The following CACNA1B variants were observed in gnomAD, a reference collection of about 807,000 sequenced individuals.
The protein encoded by CACNA1B is voltage-dependent N-type calcium channel subunit alpha-1B.
In CACNA1B, 70 loss-of-function variants were observed where a neutral mutation model predicts 247.2. The observed-to-expected ratio is 0.28, with a 90% CI of 0.23 to 0.35. CACNA1B has a LOEUF of 0.35. CACNA1B is among the 10% of genes least tolerant of loss of function. CACNA1B has a pLI of 1.00. For synonymous variants in CACNA1B, 1,231 were observed against 1,294.4 expected (o/e 0.95, Z 1.05); for missense variants, 2,367 against 3,197.4 (o/e 0.74, Z 6.26).
chr9:137,989,338 T>C (rs1453669170), intron 15 of CACNA1B, among the ~76,000 whole-genome samples: 1 of 151,962 alleles, frequency 6.6e-6, no homozygotes, highest in Non-Finnish European at 1.5e-5. Flanking sequence ...CCGGAGGATG[T>C]GGTGGGGCTG....
rs1957425135 is a variant in CACNA1B, at chr9:137,917,495, G to A, written c.966+64G>A. Reference sequence around the variant, plus strand: ...TGGACCTCCTGAGCTGGTGCCTCTGGGGGTCCATTTAGGGGGGCCCTTCTG... The same window carrying A: ...TGGACCTCCTGAGCTGGTGCCTCTGAGGGTCCATTTAGGGGGGCCCTTCTG... On this transcript the variant is annotated intron_variant, in intron 6 of 46. Transcript: ENST00000371372. The surrounding 1 kb of genome is among the most constrained non-coding windows in gnomAD (Gnocchi z 5.5). 6.8e-7 allele frequency: 1 copy of A among 1,469,024 alleles called. No individual in the cohort carries two copies. The highest frequency in any genetic ancestry group is 1.8e-5 in the Admixed American group (1 of 54,852). The allele number at this position is 1,469,024 out of a possible 1,614,324, so 91.0% of individuals were successfully genotyped here.
At chr9:137,979,151 G>A (rs1484129460) in intron 12 of CACNA1B, among the ~76,000 whole-genome samples, 1 of 152,212 alleles carries the variant, frequency 6.6e-6, no homozygotes, top group Non-Finnish European at 1.5e-5. Flanking sequence ...ACACTTAGCA[G>A]CTTTAAACTA....
At chr9:137,928,237 A>G (rs1957573467) in intron 6 of CACNA1B, among the ~76,000 whole-genome samples, 5 of 152,138 alleles carry the variant, frequency 3.3e-5, no homozygotes, top group African/African-American at 1.2e-4. Context: ...AGGTGGGACT[A>G]CAGGCACCCA....
intron 3 of CACNA1B, among the ~76,000 whole-genome samples, chr9:137,900,536 T>C (rs1301918369): frequency 1.3e-5 from 2 of 150,778 alleles, no homozygotes; most frequent in East Asian, 2.0e-4. Context: ...CGTGTGTCCA[T>C]GTCTGTGCTG....
chr9:137,895,271 T>C (rs1957160189), intron 3 of CACNA1B, among the ~76,000 whole-genome samples: 1 of 152,216 alleles, frequency 6.6e-6, no homozygotes, highest in Admixed American at 6.5e-5. Context: ...AACTGGGTAG[T>C]ACTTACTCCT....
Position 138,057,655 on chromosome 9 carries a change from G to T in CACNA1B, c.3969-77G>T. The stretch of plus-strand genomic sequence containing the variant: ...GAGGCCATTCTTTCCCCACGGAATG[G>T]TTTCAACACTCTTGATAGGTGGGTT... On this transcript the variant is annotated intron_variant, in intron 26 of 46. Coordinates refer to ENST00000371372, the MANE Select transcript of CACNA1B (RefSeq NM_000718.4). This position sits in a 1 kb window ranked among gnomAD's most constrained non-coding sequence, Gnocchi z 4.0. 1 of 1,439,476 alleles carries T rather than the reference G, an allele frequency of 6.9e-7. No homozygotes were observed. The highest frequency in any genetic ancestry group is 2.0e-5 in the Admixed American group (1 of 51,260). 89.2% of individuals were successfully genotyped at this position (1,439,476 alleles called of 1,614,324 possible).
chr9:137,937,435 A>C (rs1285748987), intron 6 of CACNA1B, among the ~76,000 whole-genome samples: 1 of 152,148 alleles, frequency 6.6e-6, no homozygotes, highest in East Asian at 1.9e-4. Context: ...GAAGTCTGGG[A>C]TTATGTTAAA....
chr9:138,062,720 A>G (rs1959770660), intron 31 of CACNA1B, among the ~76,000 whole-genome samples: 1 of 152,198 alleles, frequency 6.6e-6, no homozygotes, highest in African/African-American at 2.4e-5. Context: ...GACTTTACCC[A>G]GTATCCTTAC....
intron 15 of CACNA1B, among the ~76,000 whole-genome samples, chr9:138,004,271 G>C (rs1428547722): frequency 6.6e-6 from 1 of 152,098 alleles, no homozygotes; most frequent in African/African-American, 2.4e-5. Flanking sequence ...GGAGAGCCGG[G>C]TGCAGTGGCT....
At chr9:138,092,209 C>G (rs1278724011) in intron 36 of CACNA1B, among the ~76,000 whole-genome samples, 3 of 152,160 alleles carry the variant, frequency 2.0e-5, no homozygotes, top group African/African-American at 7.2e-5. Flanking sequence ...ACCGGTCTGA[C>G]TAGAATTTGC....
At chr9:137,993,969 TCC>T (rs1958465932) in intron 15 of CACNA1B, among the ~76,000 whole-genome samples, 1 of 151,918 alleles carries the variant, frequency 6.6e-6, no homozygotes, top group Non-Finnish European at 1.5e-5. Flanking sequence ...GCTAACTGAA[TCC>T]AACAGCAAAT....
chr9:138,071,336 A>G (rs1960125845), intron 32 of CACNA1B, among the ~76,000 whole-genome samples: 1 of 152,224 alleles, frequency 6.6e-6, no homozygotes, highest in Non-Finnish European at 1.5e-5. Flanking sequence ...TGGCTGCAAC[A>G]GAAGCCATGG....
At chr9:138,077,156 C>T (rs1960352701) in intron 35 of CACNA1B, among the ~76,000 whole-genome samples, 1 of 152,198 alleles carries the variant, frequency 6.6e-6, no homozygotes, top group Non-Finnish European at 1.5e-5. Context: ...GAAGCAGCAG[C>T]CCTGCAGGAA....
rs777149026 is a variant in CACNA1B at position 137,919,275 on chromosome 9, G to A, written c.966+1844G>A. On this transcript the variant is annotated intron_variant, in intron 6 of 46. Coordinates refer to ENST00000371372, the MANE Select transcript of CACNA1B (RefSeq NM_000718.4). This position sits in a 1 kb window ranked among gnomAD's most constrained non-coding sequence, Gnocchi z 4.6. ...AGTGGTGAGCAGAGGCATTCGACAC[G>A]TAAGGGCATGGACAGTGGCGAGTGC... 1.5e-4 allele frequency among the ~76,000 whole-genome samples: 23 copies of A among 152,254 alleles called. No individual in the cohort carries two copies. The highest frequency in any genetic ancestry group is 9.6e-4 in the East Asian group (5 of 5,190).
Position 138,020,076 on chromosome 9 carries a change from G to A in CACNA1B, c.2268-2935G>A, listed in dbSNP as rs973024218. On this transcript the variant is annotated intron_variant, in intron 18 of 46. Coordinates refer to ENST00000371372, the MANE Select transcript of CACNA1B (RefSeq NM_000718.4). This position sits in a 1 kb window ranked among gnomAD's most constrained non-coding sequence, Gnocchi z 4.1. ...CACACCACTGCACTCCAGCCTGGGC[G>A]ACACAGCGAGACTCTGTCTCCCAAA... is the stretch of plus-strand genomic sequence containing the variant. 2.9e-5 allele frequency among the ~76,000 whole-genome samples: 4 copies of A among 139,870 alleles called. No individual in the cohort carries two copies. In the South Asian group the frequency reaches 7.1e-4, roughly 25 times the overall value. The allele number at this position is 139,870 out of a possible 152,430, so 91.8% of individuals were successfully genotyped here. A position where few individuals can be genotyped will look rare whatever the true frequency, so the allele number is the denominator to read the frequency against.
In CACNA1B at chr9:137,953,141, G is replaced by C. The variant is rs143638183; in HGVS notation, c.1070+764G>C. On this transcript the variant is annotated intron_variant, in intron 7 of 46. Transcript: ENST00000371372. ...ACAGCCCCTCCTGTCCCACCCTGGGGCTGAGAGCTGAAGAGATGCCATGTA... is the reference window on the plus strand; with the variant it reads ...ACAGCCCCTCCTGTCCCACCCTGGGCCTGAGAGCTGAAGAGATGCCATGTA... 1.5e-4 allele frequency among the ~76,000 whole-genome samples: 23 copies of C among 152,318 alleles called. No homozygotes were observed. In the East Asian group the frequency reaches 4.1e-3, roughly 27 times the overall value.
In CACNA1B at chr9:137,974,500, CTGTT is replaced by C. The variant is rs1016770283; in HGVS notation, c.1544-1403_1544-1400del. Among the ~76,000 whole-genome samples, 1 of 152,206 alleles carries C rather than the reference CTGTT, an allele frequency of 6.6e-6. No homozygotes were observed. The highest frequency in any genetic ancestry group is 1.5e-5 in the Non-Finnish European group (1 of 68,040). ...GGTGTCCGCTCCCTGAGACTCCTGT[CTGTT>C]TGTACGGTGCCTGAGTGGTCTGTGA... On this transcript the variant is annotated intron_variant, in intron 11 of 46. Coordinates refer to ENST00000371372, the MANE Select transcript of CACNA1B (RefSeq NM_000718.4). The surrounding 1 kb of genome is among the most constrained non-coding windows in gnomAD (Gnocchi z 4.5).
At chr9:137,948,960 T>C (rs896590760) in intron 6 of CACNA1B, among the ~76,000 whole-genome samples, 1 of 142,566 alleles carries the variant, frequency 7.0e-6, no homozygotes, top group Non-Finnish European at 1.5e-5. Context: ...GTGGCATGCA[T>C]GTGTATGGTG....
chr9:138,101,771 G>A (rs1328429811), intron 37 of CACNA1B, among the ~76,000 whole-genome samples: 1 of 152,248 alleles, frequency 6.6e-6, no homozygotes, highest in Non-Finnish European at 1.5e-5. Flanking sequence ...AAGGCCCCAG[G>A]GCAGATCCAT....
Sources: gnomAD v4.1 joint callset for allele counts (sites outside exome capture counted in the v4.1 genomes callset) on GRCh38, gnomAD v4.1.1 for gene constraint, Gnocchi (gnomAD v3.1) non-coding constraint, MANE v1.5 for transcripts, NCBI Gene and HGNC (gene_info 2026-07-23, HGNC 2026-07-21) for gene names.